PCDHGA1: variants seen among roughly 807,000 people sequenced by gnomAD.
PCDHGA1 encodes the protein protocadherin gamma subfamily A, 1, also known as protocadherin gamma-A1.
A neutral mutation model predicts 58.0 loss-of-function variants in PCDHGA1; 32 were observed. The ratio of observed to expected loss-of-function variants is 0.55; its 90% CI spans 0.42 to 0.74. PCDHGA1 has a LOEUF of 0.74. Among genes scored for constraint, PCDHGA1 ranks in the 30% least tolerant of loss-of-function variants. The pLI, the probability that PCDHGA1 is intolerant of heterozygous loss-of-function variation, is 0.00. For synonymous variants in PCDHGA1, 498 were observed against 501.1 expected (o/e 0.99, Z 0.08); for missense variants, 1,205 against 1,182.3 (o/e 1.02, Z -0.28).
At chr5:141,375,991 C>G in intron 1 of PCDHGA1, 1 of 1,613,448 alleles carries the variant, frequency 6.2e-7, no homozygotes, top group Non-Finnish European at 8.5e-7. Context: ...TGGACAGAGA[C>G]GCGCTCAAGC....
chr5:141,344,671 T>G, intron 1 of PCDHGA1: 1 of 1,613,952 alleles, frequency 6.2e-7, no homozygotes, highest in Non-Finnish European at 8.5e-7. Context: ...CTTGTCCTGG[T>G]TGCCTCTGAT....
intron 1 of PCDHGA1, chr5:141,399,557 T>TG: frequency 1.2e-6 from 2 of 1,613,968 alleles, no homozygotes; most frequent in Non-Finnish European, 1.7e-6. Context: ...GACCTGGACT[T>TG]GGGGTTGAAC....
intron 1 of PCDHGA1, chr5:141,382,974 A>G: frequency 6.2e-7 from 1 of 1,610,398 alleles, no homozygotes; most frequent in Non-Finnish European, 8.5e-7. Flanking sequence ...CCCCCTGGGA[A>G]GCCTGGGCAG....
At chr5:141,506,805 G>A (rs1314432893) in intron 3 of PCDHGA1, among the ~76,000 whole-genome samples, 1 of 152,172 alleles carries the variant, frequency 6.6e-6, no homozygotes, top group African/African-American at 2.4e-5. Flanking sequence ...GAGGATCAAG[G>A]CATTGCCCTA....
chr5:141,363,061 A>G (rs1240861333), intron 1 of PCDHGA1, among the ~76,000 whole-genome samples: 2 of 152,256 alleles, frequency 1.3e-5, no homozygotes, highest in Admixed American at 6.5e-5. Context: ...CAGTAAGCTA[A>G]ATGTCTTGGA....
intron 1 of PCDHGA1, among the ~76,000 whole-genome samples, chr5:141,448,861 C>T (rs1017826063): frequency 2.0e-5 from 3 of 152,118 alleles, no homozygotes; most frequent in African/African-American, 7.2e-5. Flanking sequence ...AGGAGAATGG[C>T]GTGAACCTGG....
In PCDHGA1 at chr5:141,382,880, G is replaced by C. The variant is rs959397097; in HGVS notation, c.2421+49775G>C. The C allele has an allele frequency of 5.2e-6, 8 of 1,526,962 alleles. No homozygotes were observed. The African/African-American group carries it at 5.6e-5, about 11-fold the overall frequency. The allele number at this position is 1,526,962 out of a possible 1,614,324, so 94.6% of individuals were successfully genotyped here. ...AGCACTTCCCGAGATCGGCGCCTAA[G>C]CAAGAGAAGCAGGACGACTATGGCG... On this transcript the variant is annotated intron_variant, in intron 1 of 3. Transcript: ENST00000517417.
intron 1 of PCDHGA1, chr5:141,419,128 A>T (rs1298102722): frequency 1.2e-6 from 2 of 1,613,768 alleles, no homozygotes; most frequent in East Asian, 2.2e-5. Flanking sequence ...TCACCATCGC[A>T]GCCACAGACA....
intron 1 of PCDHGA1, chr5:141,365,999 G>A: frequency 1.9e-6 from 3 of 1,614,212 alleles, no homozygotes; most frequent in South Asian, 1.1e-5. Flanking sequence ...GGACCAGAAC[G>A]ACAATACGCC....
intron 1 of PCDHGA1, among the ~76,000 whole-genome samples, chr5:141,438,636 ACACACAC>A: frequency 3.9e-5 from 1 of 25,700 alleles, no homozygotes; most frequent in African/African-American, 1.5e-4. Flanking sequence ...ATATATATAT[ACACACAC>A]ACACACACAT....
intron 1 of PCDHGA1, among the ~76,000 whole-genome samples, chr5:141,347,112 C>T (rs56165464): frequency 1.7e-4 from 14 of 81,006 alleles, no homozygotes; most frequent in South Asian, 3.4e-4. Flanking sequence ...TCTCTCTTTC[C>T]TCCTTCCTTC....
At chr5:141,372,324 G>A (rs559633972) in intron 1 of PCDHGA1, 3 of 1,613,704 alleles carry the variant, frequency 1.9e-6, no homozygotes, top group East Asian at 2.2e-5. Context: ...GCGCCTGCTG[G>A]TCACTGTGCG....
chr5:141,415,606 G>A lies in PCDHGA1; in HGVS notation c.2422-79201G>A. On this transcript the variant is annotated intron_variant, in intron 1 of 3. Transcript: ENST00000517417. ...GTTTCCTATAGAGGATACCCCATTG[G>A]TTCCAGTGAGTTTTATTTTCATTTT... The A allele has an allele frequency of 1.2e-6, 2 of 1,612,910 alleles. 1 individual carries two copies. Among genetic ancestry groups the A allele is most frequent in the East Asian group, 4.5e-5 (2 of 44,866 alleles).
intron 1 of PCDHGA1, chr5:141,410,091 G>A: frequency 8.7e-6 from 14 of 1,612,518 alleles, no homozygotes; most frequent in African/African-American, 1.3e-5. Flanking sequence ...CGCACGGCTC[G>A]AGCCTTAGGC....
intron 1 of PCDHGA1, chr5:141,400,601 C>T (rs1401354209): frequency 1.3e-6 from 2 of 1,592,588 alleles, no homozygotes; most frequent in East Asian, 4.5e-5. Flanking sequence ...CGTACATTTT[C>T]AAGTCCAATG....
Position 141,365,783 on chromosome 5 carries a change from G to T in PCDHGA1, c.2421+32678G>T, listed in dbSNP as rs906678928. 8 of 1,613,842 alleles carry T rather than the reference G, an allele frequency of 5.0e-6. No individual in the cohort carries two copies. Among genetic ancestry groups the T allele is most frequent in the Non-Finnish European group, 6.8e-6 (8 of 1,179,874 alleles). On this transcript the variant is annotated intron_variant, in intron 1 of 3. Transcript: ENST00000517417. ...CCATGACCCCGACAGCGGCGACAAC[G>T]CTCGAGTCACCTACTCCCTGGCTGA...
rs1198878768 is a variant in PCDHGA1 at position 141,331,066 on chromosome 5, G to A, written c.382G>A (p.Asp128Asn). 1 of 1,603,024 alleles carries A rather than the reference G, an allele frequency of 6.2e-7. No homozygotes were observed. Among genetic ancestry groups the A allele is most frequent in the South Asian group, 1.1e-5 (1 of 90,846 alleles). ...TGAAGTAGAAATAATTGATATTAAT[G>A]ACAACACTCCCCAATTCCAGTTAGA... ...PVEVEIIDIN[D>N]NTPQFQLEEL... The change falls in exon 1 of 4, where the codon GAC (aspartate) becomes AAC (asparagine). Residue 128 changes from aspartate to asparagine, a missense_variant. Physicochemically the swap from Asp to Asn is conservative, Grantham distance 23. Coordinates refer to ENST00000517417, the MANE Select transcript of PCDHGA1 (RefSeq NM_018912.3).
chr5:141,459,068 A>G (rs1278498678), intron 1 of PCDHGA1, among the ~76,000 whole-genome samples: 1 of 152,226 alleles, frequency 6.6e-6, no homozygotes, highest in African/African-American at 2.4e-5. Flanking sequence ...TATATAACAT[A>G]AAATTTGCCT....
At chr5:141,341,041 T>A in intron 1 of PCDHGA1, 1 of 1,613,864 alleles carries the variant, frequency 6.2e-7, no homozygotes, top group South Asian at 1.1e-5. Context: ...CGGACCTCAC[T>A]CTGTACCTGG....
Sources: gnomAD v4.1 joint callset for allele counts (sites outside exome capture counted in the v4.1 genomes callset) on GRCh38, gnomAD v4.1.1 for gene constraint, MANE v1.5 for transcripts, NCBI Gene and HGNC (gene_info 2026-07-23, HGNC 2026-07-21) for gene names.